CACNA1E: variants seen among roughly 807,000 people sequenced by gnomAD.
CACNA1E encodes the protein voltage-dependent R-type calcium channel subunit alpha-1E.
In CACNA1E, 40 loss-of-function variants were observed where a neutral mutation model predicts 259.2. The observed-to-expected ratio is 0.15, with a 90% CI of 0.12 to 0.20. CACNA1E has a LOEUF of 0.20. Among genes scored for constraint, CACNA1E ranks in the 10% least tolerant of loss-of-function variants. The pLI is 1.00. For synonymous variants in CACNA1E, 1,104 were observed against 1,138.5 expected (o/e 0.97, Z 0.61); for missense variants, 1,874 against 3,040.1 (o/e 0.62, Z 9.02).
intron 2 of CACNA1E, among the ~76,000 whole-genome samples, chr1:181,473,136 G>C (rs1261769177): frequency 1.3e-5 from 2 of 152,168 alleles, no homozygotes; most frequent in East Asian, 3.8e-4. Flanking sequence ...TGTATCGCCG[G>C]TGCAGCAGAC....
At chr1:181,671,348 A>T (rs1219142033) in intron 7 of CACNA1E, among the ~76,000 whole-genome samples, 1 of 152,206 alleles carries the variant, frequency 6.6e-6, no homozygotes, top group Non-Finnish European at 1.5e-5. Flanking sequence ...TTAAGCACCA[A>T]TATGTCAGGC....
intron 6 of CACNA1E, among the ~76,000 whole-genome samples, chr1:181,637,946 G>A (rs1342913850): frequency 2.0e-5 from 3 of 152,210 alleles, no homozygotes; most frequent in Non-Finnish European, 4.4e-5. Flanking sequence ...GGATGTGGCT[G>A]TGTGACTTGG....
At chr1:181,391,807 A>G (rs12093467) in intron 1 of CACNA1E, among the ~76,000 whole-genome samples, 2,003 of 152,190 alleles carry the variant, frequency 0.013, 55 homozygotes, top group African/African-American at 0.046. Flanking sequence ...TTTGGCTCGT[A>G]GGTGGAATAG....
chr1:181,400,639 G>A (rs1028758999), intron 1 of CACNA1E, among the ~76,000 whole-genome samples: 7 of 152,218 alleles, frequency 4.6e-5, no homozygotes, highest in South Asian at 2.1e-4. Flanking sequence ...GCTCAAGGTC[G>A]TGTGCTGAAG....
At chr1:181,564,747 G>A (rs1209704147) in intron 3 of CACNA1E, among the ~76,000 whole-genome samples, 1 of 152,222 alleles carries the variant, frequency 6.6e-6, no homozygotes, top group Non-Finnish European at 1.5e-5. Context: ...TAAATAGTAT[G>A]ACTTGAAAGT....
At chr1:181,482,388 T>C (rs962490599), upstream of CACNA1E, among the ~76,000 whole-genome samples, 4 of 152,246 alleles carry the variant, frequency 2.6e-5, 1 homozygote, top group Non-Finnish European at 5.9e-5. Flanking sequence ...TTGCGGAGAC[T>C]CCGCCGCATC....
chr1:181,617,059 CTTAT>C (rs2103140632), intron 6 of CACNA1E, among the ~76,000 whole-genome samples: 2 of 152,264 alleles, frequency 1.3e-5, no homozygotes, highest in South Asian at 4.1e-4. Flanking sequence ...CTTTCTCCCT[CTTAT>C]TTATTTATAT....
At chr1:181,764,785 T>C (rs768628245) in intron 34 of CACNA1E, among the ~76,000 whole-genome samples, 60 of 127,022 alleles carry the variant, frequency 4.7e-4, no homozygotes, top group Non-Finnish European at 8.1e-4. Context: ...TTTTAAAACC[T>C]TTTTTTTTTA....
chr1:181,400,950 T>C (rs1037645159), intron 1 of CACNA1E, among the ~76,000 whole-genome samples: 7 of 152,152 alleles, frequency 4.6e-5, no homozygotes, highest in African/African-American at 1.7e-4. Flanking sequence ...GTGTCATGCC[T>C]GCTTAAAACC....
At chr1:181,793,519 C>A in intron 44 of CACNA1E, 146 bp from the exon 45 acceptor site, 1 of 806,580 alleles carries the variant, frequency 1.2e-6, no homozygotes, top group Non-Finnish European at 1.9e-6. Flanking sequence ...CATAAACACA[C>A]ACACACATAT....
intron 2 of CACNA1E, among the ~76,000 whole-genome samples, chr1:181,426,607 A>G (rs1659235868): frequency 7.1e-6 from 1 of 140,148 alleles, no homozygotes; most frequent in Non-Finnish European, 1.5e-5. Flanking sequence ...ATCCCTTCCC[A>G]TCTCAACCCC....
At position 181,783,747 on chromosome 1, in the gene CACNA1E, T is replaced by C. The variant is rs768722608; in HGVS notation, c.5433T>C (p.Ala1811=). 1 of 1,612,046 alleles carries C rather than the reference T, an allele frequency of 6.2e-7. No individual in the cohort carries two copies. The highest frequency in any genetic ancestry group is 8.5e-7 in the Non-Finnish European group (1 of 1,179,466). ...MTVHFTSTLM[A]LIRTALDIKI... ...TCCACTTCACCTCCACACTTATGGC[T>C]CTGATCCGGACAGCTCTGGACATTA... The change falls in exon 40 of 48, where the codon GCT becomes GCC. Residue 1811 remains alanine (A), a synonymous_variant. Transcript: ENST00000367573.
At chr1:181,559,909 C>T (rs932049552) in intron 3 of CACNA1E, among the ~76,000 whole-genome samples, 6 of 152,196 alleles carry the variant, frequency 3.9e-5, no homozygotes, top group African/African-American at 1.2e-4. Flanking sequence ...TGCAGAGCAT[C>T]GACATTCTTC....
At chr1:181,348,622 C>T (rs922984090) in intron 1 of CACNA1E, among the ~76,000 whole-genome samples, 3 of 152,086 alleles carry the variant, frequency 2.0e-5, no homozygotes, top group African/African-American at 7.2e-5. Context: ...ATTGTTGCCT[C>T]AGTGGTTTTT....
intron 34 of CACNA1E, among the ~76,000 whole-genome samples, chr1:181,763,776 G>A (rs1479247425): frequency 2.6e-5 from 4 of 152,200 alleles, no homozygotes; most frequent in African/African-American, 9.7e-5. Flanking sequence ...TTGTGACTCA[G>A]GCATCCTCTC....
rs899438398 is a variant in CACNA1E, at chr1:181,321,658, G to A, written c.-15+3535G>A. ...AAAGGCAAAAATAGAGGCTCATGTAGATAATTCTAGGCATTGTCATTCCCA... is the reference window on the plus strand; with the variant it reads ...AAAGGCAAAAATAGAGGCTCATGTAAATAATTCTAGGCATTGTCATTCCCA... On this transcript the variant is annotated intron_variant, in intron 1 of 11. Transcript: ENST00000524607. Among the ~76,000 whole-genome samples the A allele has an allele frequency of 1.1e-4, 17 of 152,290 alleles. 1 individual carries two copies. The highest frequency in any genetic ancestry group is 3.3e-4 in the Admixed American group (5 of 15,304).
At chr1:181,375,212 GA>G (rs1412768284) in intron 1 of CACNA1E, among the ~76,000 whole-genome samples, 24 of 152,334 alleles carry the variant, frequency 1.6e-4, no homozygotes, top group African/African-American at 5.1e-4. Flanking sequence ...TGAAGTTGGG[GA>G]GACCATGAGG....
At chr1:181,446,180 A>G (rs1660778258) in intron 2 of CACNA1E, among the ~76,000 whole-genome samples, 1 of 152,204 alleles carries the variant, frequency 6.6e-6, no homozygotes, top group Non-Finnish European at 1.5e-5. Flanking sequence ...GACTTCCAGG[A>G]CTGGGAGAGG....
intron 2 of CACNA1E, among the ~76,000 whole-genome samples, chr1:181,435,679 A>G (rs1222027620): frequency 6.6e-6 from 1 of 152,312 alleles, no homozygotes; most frequent in African/African-American, 2.4e-5. Context: ...CTCCCAATAT[A>G]TATTATTGAA....
Sources: allele counts gnomAD v4.1 joint callset (sites outside exome capture counted in the v4.1 genomes callset), GRCh38; gene constraint gnomAD v4.1.1; transcripts MANE v1.5; gene names NCBI Gene and HGNC (gene_info 2026-07-23, HGNC 2026-07-21).